Variants in JAK1 observed in about 807,000 individuals in gnomAD.
The protein encoded by JAK1 is Janus kinase 1, also known as tyrosine-protein kinase JAK1.
In JAK1, 16 loss-of-function variants were observed where a neutral mutation model predicts 136.6. The observed-to-expected ratio is 0.12, with a 90% CI of 0.08 to 0.18. The LOEUF (loss-of-function observed/expected upper bound fraction) is 0.18. Ranked by LOEUF, JAK1 falls within the 10% of genes least tolerant of loss-of-function variation. The pLI, the probability that JAK1 is intolerant of heterozygous loss-of-function variation, is 1.00. For synonymous variants in JAK1, 492 were observed against 519.5 expected (o/e 0.95, Z 0.72); for missense variants, 859 against 1,450.1 (o/e 0.59, Z 6.62).
intron 1 of JAK1, among the ~76,000 whole-genome samples, chr1:64,902,507 A>G (rs548190527): frequency 6.6e-6 from 1 of 150,990 alleles, no homozygotes; most frequent in East Asian, 2.0e-4. Flanking sequence ...ATCTGAGTAT[A>G]TAACATGAGC....
chr1:64,842,564 C>G (rs1654974265), intron 17 of JAK1, among the ~76,000 whole-genome samples: 1 of 152,124 alleles, frequency 6.6e-6, no homozygotes, highest in African/African-American at 2.4e-5. Context: ...ATCCCTGCGT[C>G]AGTGCAGCCT....
chr1:65,037,472 T>A (rs570509265), intron 2 of JAK1, among the ~76,000 whole-genome samples: 2 of 152,128 alleles, frequency 1.3e-5, no homozygotes, highest in Non-Finnish European at 2.9e-5. Flanking sequence ...ATTTGAGAGC[T>A]CTTAAAAATC....
At chr1:64,927,031 A>G (rs1645594608) in intron 1 of JAK1, among the ~76,000 whole-genome samples, 1 of 152,116 alleles carries the variant, frequency 6.6e-6, no homozygotes, top group South Asian at 2.1e-4. Context: ...CCATATTTTT[A>G]TGTCCTCAAA....
Position 64,844,001 on chromosome 1 carries a change from T to C in JAK1, c.2403+63A>G, listed in dbSNP as rs1655067652. ...ACAGTGCCAGGCTTCCGACAACTCC[T>C]GGGAAGCCCACGAGCACCTGAAAGC... On this transcript the variant is annotated intron_variant, in intron 17 of 24. Coordinates refer to ENST00000342505, the MANE Select transcript of JAK1 (RefSeq NM_002227.4). The surrounding 1 kb of genome is among the most constrained non-coding windows in gnomAD (Gnocchi z 5.7). 6.3e-7 allele frequency: 1 copy of C among 1,596,178 alleles called. No individual in the cohort carries two copies. Among genetic ancestry groups the C allele is most frequent in the Admixed American group, 1.7e-5 (1 of 59,632 alleles).
At chr1:64,959,743 G>A (rs1228710212) in intron 1 of JAK1, among the ~76,000 whole-genome samples, 2 of 152,094 alleles carry the variant, frequency 1.3e-5, no homozygotes, top group Non-Finnish European at 2.9e-5. Context: ...CACTGTCTAC[G>A]TAATAAACCC....
chr1:65,013,402 A>T (rs1247083287), intron 2 of JAK1, among the ~76,000 whole-genome samples: 1 of 151,946 alleles, frequency 6.6e-6, no homozygotes, highest in Non-Finnish European at 1.5e-5. Flanking sequence ...TCTAAAAAAA[A>T]AAAAACAAAA....
At chr1:65,044,534 G>A (rs2100843058) in exon 2 of JAK1, among the ~76,000 whole-genome samples, 1 of 152,338 alleles carries the variant, frequency 6.6e-6, no homozygotes, top group Non-Finnish European at 1.5e-5. Flanking sequence ...GAGTCAACGT[G>A]ACTTTTAAGT....
Position 64,844,922 on chromosome 1 carries a change from T to G in JAK1, c.2116-33A>C. Reference sequence around the variant, plus strand: ...GTAAAAAGGTCAAGTTTAGCCAAGCTGCTCCTTCCCGCATTCTATTTCCAA... The same window carrying G: ...GTAAAAAGGTCAAGTTTAGCCAAGCGGCTCCTTCCCGCATTCTATTTCCAA... On this transcript the variant is annotated intron_variant, in intron 15 of 24. Coordinates refer to ENST00000342505, the MANE Select transcript of JAK1 (RefSeq NM_002227.4). This position sits in a 1 kb window ranked among gnomAD's most constrained non-coding sequence, Gnocchi z 5.7. The G allele has an allele frequency of 1.9e-6, 3 of 1,613,822 alleles. No individual in the cohort carries two copies. Among genetic ancestry groups the G allele is most frequent in the African/African-American group, 1.3e-5 (1 of 75,044 alleles).
intron 22 of JAK1, 120 bp downstream of exon 22, chr1:64,837,812 C>A: frequency 1.3e-6 from 1 of 756,344 alleles, no homozygotes. Flanking sequence ...TGTTCTAAAC[C>A]TTCTCTAACC....
chr1:64,918,294 G>T (rs1459584483), intron 1 of JAK1: 2 of 152,122 alleles, frequency 1.3e-5, no homozygotes, highest in Non-Finnish European at 2.9e-5. Context: ...AATTTAAAAA[G>T]TTCCCTCCAT....
chr1:64,943,273 T>C (rs963313812), intron 1 of JAK1, among the ~76,000 whole-genome samples: 1 of 152,136 alleles, frequency 6.6e-6, no homozygotes, highest in East Asian at 1.9e-4. Context: ...AACACCCTGA[T>C]TGGTGGTCAG....
intron 2 of JAK1, chr1:64,989,510 C>A (rs1333331550): frequency 6.6e-6 from 1 of 152,036 alleles, no homozygotes; most frequent in Non-Finnish European, 1.5e-5. Context: ...GGGAGCAAAG[C>A]AGACCTTATT....
chr1:64,945,387 C>T (rs1231488904), intron 1 of JAK1, among the ~76,000 whole-genome samples: 1 of 152,156 alleles, frequency 6.6e-6, no homozygotes, highest in South Asian at 2.1e-4. Context: ...TACAAAGTTA[C>T]ACAAATAGCA....
At position 65,034,306 on chromosome 1, in the gene JAK1, T is replaced by A. The variant is rs553497554; in HGVS notation, c.-78+10174A>T. Among the ~76,000 whole-genome samples, 3 of 152,340 alleles carry A rather than the reference T, an allele frequency of 2.0e-5. No homozygotes were observed. The East Asian group carries it at 5.8e-4, about 29-fold the overall frequency. Reference sequence around the variant, plus strand: ...ATCAGGCTGAAAGCCAAAGAGAAGATACACGACTTGATATGGAAGAGCAAG... The same window carrying A: ...ATCAGGCTGAAAGCCAAAGAGAAGAAACACGACTTGATATGGAAGAGCAAG... On this transcript the variant is annotated intron_variant, in intron 2 of 25. Coordinates refer to the JAK1 transcript ENST00000671954.
chr1:64,835,607 G>A, intron 23 of JAK1, 101 bp from the exon 24 acceptor site: 1 of 746,386 alleles, frequency 1.3e-6, no homozygotes. Context: ...GGAAATTTAA[G>A]TAGCAATAAA....
chr1:64,991,308 G>C (rs1646655070), intron 2 of JAK1: 1 of 152,252 alleles, frequency 6.6e-6, no homozygotes, highest in African/African-American at 2.4e-5. Flanking sequence ...AGTTCTGGAA[G>C]CTGGAAGTCC....
intron 2 of JAK1, among the ~76,000 whole-genome samples, chr1:64,885,166 G>A (rs1178052112): frequency 1.3e-5 from 2 of 152,076 alleles, no homozygotes; most frequent in African/African-American, 4.8e-5. Context: ...GAATCTTCTG[G>A]AAACCAGCCT....
At chr1:64,902,732 G>C (rs1645130389) in intron 1 of JAK1, among the ~76,000 whole-genome samples, 1 of 151,976 alleles carries the variant, frequency 6.6e-6, no homozygotes, top group Non-Finnish European at 1.5e-5. Flanking sequence ...GAAGAGGGGA[G>C]TGAATGGGCA....
chr1:64,998,209 AC>A (rs1161546353), intron 2 of JAK1, among the ~76,000 whole-genome samples: 1 of 152,250 alleles, frequency 6.6e-6, no homozygotes, highest in Non-Finnish European at 1.5e-5. Context: ...AATGTCTAAT[AC>A]ACATGTAATC....
Sources: gnomAD v4.1 joint callset for allele counts (sites outside exome capture counted in the v4.1 genomes callset) on GRCh38, gnomAD v4.1.1 for gene constraint, Gnocchi (gnomAD v3.1) non-coding constraint, MANE v1.5 for transcripts, NCBI Gene and HGNC (gene_info 2026-07-23, HGNC 2026-07-21) for gene names.